TRPM3: variants seen among roughly 807,000 people sequenced by gnomAD.
TRPM3 encodes long transient receptor potential channel 3.
In TRPM3, 77 loss-of-function variants were observed where a neutral mutation model predicts 181.2. The observed-to-expected ratio is 0.42, with a 90% CI of 0.35 to 0.51. The LOEUF (loss-of-function observed/expected upper bound fraction) is 0.51. Ranked by LOEUF, TRPM3 falls within the 20% of genes least tolerant of loss-of-function variation. The probability of loss-of-function intolerance (pLI) is 0.01; values close to 1 mark genes in which losing one functional copy is unlikely to be tolerated. For synonymous variants in TRPM3, 745 were observed against 796.4 expected (o/e 0.94, Z 1.09); for missense variants, 1,759 against 2,196.7 (o/e 0.80, Z 3.98).
chr9:70,656,661 AAATGT>A (rs1424845762), intron 9 of TRPM3, among the ~76,000 whole-genome samples: 1 of 152,226 alleles, frequency 6.6e-6, no homozygotes, highest in Non-Finnish European at 1.5e-5. Flanking sequence ...ATAATTAGGC[AAATGT>A]AATGGGATAA....
intron 1 of TRPM3, among the ~76,000 whole-genome samples, chr9:71,211,850 G>A (rs2079524445): frequency 6.6e-6 from 1 of 152,078 alleles, no homozygotes; most frequent in African/African-American, 2.4e-5. Flanking sequence ...TCCAAATAAG[G>A]TCACGTTCTG....
chr9:70,772,698 G>A (rs1166296333), intron 7 of TRPM3, among the ~76,000 whole-genome samples: 1 of 152,138 alleles, frequency 6.6e-6, no homozygotes, highest in African/African-American at 2.4e-5. Context: ...TCTTAGGCAG[G>A]GACAAGTGGG....
chr9:70,583,492 G>A (rs2056455358), intron 22 of TRPM3, among the ~76,000 whole-genome samples: 1 of 152,186 alleles, frequency 6.6e-6, no homozygotes, highest in African/African-American at 2.4e-5. Flanking sequence ...GGCTGAAAAT[G>A]GTCAAGATGG....
chr9:70,938,719 G>T (rs559540090), intron 1 of TRPM3, among the ~76,000 whole-genome samples: 3 of 152,046 alleles, frequency 2.0e-5, no homozygotes, highest in African/African-American at 7.2e-5. Flanking sequence ...TTGGGAGGCC[G>T]AGGTGGGTGG....
At chr9:70,979,571 A>G (rs1473110486) in intron 1 of TRPM3, among the ~76,000 whole-genome samples, 1 of 152,156 alleles carries the variant, frequency 6.6e-6, no homozygotes, top group Non-Finnish European at 1.5e-5. Flanking sequence ...TCCTTGGTGT[A>G]AGTAATTTAA....
intron 1 of TRPM3, among the ~76,000 whole-genome samples, chr9:71,049,798 A>G (rs571926329): frequency 6.6e-6 from 1 of 152,240 alleles, no homozygotes; most frequent in African/African-American, 2.4e-5. Context: ...GACTAGATTA[A>G]AATCCCATTT....
At chr9:71,183,401 T>C (rs1029276803) in intron 1 of TRPM3, among the ~76,000 whole-genome samples, 8 of 152,122 alleles carry the variant, frequency 5.3e-5, no homozygotes, top group Non-Finnish European at 7.4e-5. Flanking sequence ...GCTGGAGGCA[T>C]TTCTCCTCTA....
At chr9:71,319,555 T>G (rs2088997924) in intron 1 of TRPM3, among the ~76,000 whole-genome samples, 1 of 152,120 alleles carries the variant, frequency 6.6e-6, no homozygotes, top group Admixed American at 6.6e-5. Flanking sequence ...GGTGAGTCTC[T>G]TTATTCAATA....
intron 6 of TRPM3, among the ~76,000 whole-genome samples, chr9:70,791,303 C>G (rs1027538773): frequency 1.1e-4 from 16 of 152,090 alleles, no homozygotes; most frequent in African/African-American, 3.9e-4. Context: ...ATAGGAAGTA[C>G]CACACAAGTT....
intron 1 of TRPM3, among the ~76,000 whole-genome samples, chr9:71,383,704 G>A (rs1294536325): frequency 1.3e-5 from 2 of 152,176 alleles, no homozygotes; most frequent in South Asian, 4.1e-4. Flanking sequence ...TTTGTAAGTT[G>A]TACATTTCCT....
At chr9:71,168,630 T>C (rs1225478592) in intron 1 of TRPM3, among the ~76,000 whole-genome samples, 74 of 145,648 alleles carry the variant, frequency 5.1e-4, no homozygotes, top group South Asian at 1.7e-3. Context: ...ATTATTTTTT[T>C]ATTATTTTTT....
intron 1 of TRPM3, among the ~76,000 whole-genome samples, chr9:70,970,521 T>A (rs1210750944): frequency 1.3e-5 from 2 of 152,176 alleles, no homozygotes; most frequent in African/African-American, 4.8e-5. Flanking sequence ...ATTTTCCTAA[T>A]GTTGTTTTTA....
intron 1 of TRPM3, among the ~76,000 whole-genome samples, chr9:71,174,402 T>A (rs2077007390): frequency 6.6e-6 from 1 of 151,940 alleles, no homozygotes; most frequent in Non-Finnish European, 1.5e-5. Context: ...ATTAGCCAGG[T>A]GTAGTGGTAG....
At chr9:71,373,493 T>G (rs938603259) in intron 1 of TRPM3, among the ~76,000 whole-genome samples, 1 of 152,106 alleles carries the variant, frequency 6.6e-6, no homozygotes, top group Admixed American at 6.6e-5. Context: ...GAGAAAACTA[T>G]ACAAACCTCT....
chr9:70,890,992 A>G (rs1405146669), intron 1 of TRPM3, among the ~76,000 whole-genome samples: 1 of 151,276 alleles, frequency 6.6e-6, no homozygotes, highest in Non-Finnish European at 1.5e-5. Flanking sequence ...GGACACAGGA[A>G]GGGGAACATC....
chr9:71,369,389 A>G (rs2092439819), intron 1 of TRPM3, among the ~76,000 whole-genome samples: 1 of 152,218 alleles, frequency 6.6e-6, no homozygotes, highest in Admixed American at 6.5e-5. Flanking sequence ...TAAAACGAAC[A>G]TGTTTCTAAA....
chr9:71,191,504 G>A (rs774788823), intron 1 of TRPM3, among the ~76,000 whole-genome samples: 10 of 151,408 alleles, frequency 6.6e-5, no homozygotes, highest in South Asian at 2.1e-4. Context: ...TGTATTTGTC[G>A]TCCTTCTTTT....
At chr9:70,741,303 A>T (rs902337942) in intron 8 of TRPM3, among the ~76,000 whole-genome samples, 2 of 152,220 alleles carry the variant, frequency 1.3e-5, no homozygotes, top group Admixed American at 1.3e-4. Context: ...TCAAGATTTT[A>T]AAAAAATAGA....
chr9:71,103,919 CTT>C (rs201494267), intron 1 of TRPM3, among the ~76,000 whole-genome samples: 6 of 145,166 alleles, frequency 4.1e-5, no homozygotes, highest in Admixed American at 1.4e-4. Flanking sequence ...TGCAGCAATC[CTT>C]TTTTTTTTTT....
Sources: allele counts gnomAD v4.1 joint callset (sites outside exome capture counted in the v4.1 genomes callset), GRCh38; gene constraint gnomAD v4.1.1; transcripts MANE v1.5; gene names NCBI Gene and HGNC (gene_info 2026-07-23, HGNC 2026-07-21).